The following EBF2 variants were observed in gnomAD, a reference collection of about 807,000 sequenced individuals.
The protein encoded by EBF2 is transcription factor COE2.
In EBF2, 21 loss-of-function variants were observed where a neutral mutation model predicts 72.8. That is an observed-to-expected ratio of 0.29 (90% CI 0.20 to 0.42). The LOEUF is 0.42. EBF2 is among the 10% of genes least tolerant of loss of function. The pLI is 1.00. For missense variants in EBF2, 637 were observed against 731.2 expected, an observed-to-expected ratio of 0.87 and a Z score of 1.49; for synonymous variants, 299 against 274.2, an observed-to-expected ratio of 1.09 and a Z score of -0.89.
intron 8 of EBF2, among the ~76,000 whole-genome samples, chr8:25,888,617 C>G (rs1802730248): frequency 6.6e-6 from 1 of 152,092 alleles, no homozygotes; most frequent in African/African-American, 2.4e-5. Flanking sequence ...TAGTTGAAGG[C>G]TTTTTTCAGC....
chr8:26,002,179 A>G lies in EBF2; in HGVS notation c.551+30906T>C, dbSNP rs559314691. On this transcript the variant is annotated intron_variant, in intron 6 of 15. Transcript: ENST00000520164. ...GGTGCCAGCCCAGGGCCAGGATCCCACTTCTGGGGCTGAGCTTGTGGTCAT... is the reference window on the plus strand; with the variant it reads ...GGTGCCAGCCCAGGGCCAGGATCCCGCTTCTGGGGCTGAGCTTGTGGTCAT... 3.6e-4 allele frequency among the ~76,000 whole-genome samples: 55 copies of G among 152,248 alleles called. 1 individual carries two copies. Among genetic ancestry groups the G allele is most frequent in the African/African-American group, 1.1e-3 (46 of 41,556 alleles).
intron 6 of EBF2, among the ~76,000 whole-genome samples, chr8:26,010,356 C>A (rs1804957842): frequency 6.6e-6 from 1 of 152,240 alleles, no homozygotes. Flanking sequence ...AGGGGCCCAT[C>A]AGGGCGAACC....
intron 6 of EBF2, among the ~76,000 whole-genome samples, chr8:25,962,839 T>G (rs746470193): frequency 6.6e-6 from 1 of 152,212 alleles, no homozygotes; most frequent in Non-Finnish European, 1.5e-5. Flanking sequence ...ATGTCATTAG[T>G]CAGAATCAAT....
chr8:26,004,264 G>T (rs1004449517), intron 6 of EBF2, among the ~76,000 whole-genome samples: 2 of 152,084 alleles, frequency 1.3e-5, no homozygotes, highest in African/African-American at 4.8e-5. Flanking sequence ...CTCTAAACTG[G>T]CTAAATTTTG....
chr8:25,872,667 T>C (rs1326758242), intron 10 of EBF2, among the ~76,000 whole-genome samples: 1 of 144,434 alleles, frequency 6.9e-6, no homozygotes, highest in Non-Finnish European at 1.5e-5. Context: ...TTTCTTTGCA[T>C]TGTAAGAAAG....
At chr8:25,960,313 C>G (rs1353398418) in intron 6 of EBF2, among the ~76,000 whole-genome samples, 1 of 152,192 alleles carries the variant, frequency 6.6e-6, no homozygotes, top group Non-Finnish European at 1.5e-5. Flanking sequence ...CAATTATGCC[C>G]TCAGGGCCAG....
intron 6 of EBF2, among the ~76,000 whole-genome samples, chr8:26,012,951 A>G (rs1805050535): frequency 6.6e-6 from 1 of 152,176 alleles, no homozygotes; most frequent in East Asian, 1.9e-4. Flanking sequence ...ACAAAGATAA[A>G]AATCCCTGCC....
chr8:25,905,175 A>AT (rs1803014452), intron 7 of EBF2, among the ~76,000 whole-genome samples: 1 of 152,172 alleles, frequency 6.6e-6, no homozygotes, highest in African/African-American at 2.4e-5. Context: ...GATGACTAGA[A>AT]TTTTTTTAAA....
At chr8:26,009,208 A>T (rs1804938123) in intron 6 of EBF2, among the ~76,000 whole-genome samples, 2 of 151,534 alleles carry the variant, frequency 1.3e-5, no homozygotes, top group African/African-American at 4.9e-5. Context: ...TTTTCCTTGA[A>T]TTACTTCACA....
intron 1 of EBF2, 114 bp from the exon 2 acceptor site, chr8:26,042,365 G>A: frequency 7.7e-7 from 1 of 1,306,400 alleles, no homozygotes; most frequent in Non-Finnish European, 1.0e-6. Flanking sequence ...CAGGTCCAGA[G>A]TTCTGAACCC....
intron 6 of EBF2, among the ~76,000 whole-genome samples, chr8:25,966,133 G>C (rs1254305722): frequency 6.6e-6 from 1 of 152,238 alleles, no homozygotes; most frequent in Non-Finnish European, 1.5e-5. Context: ...TTCTCAAAGG[G>C]CAAGAGGGCT....
At chr8:26,005,545 T>TAAAATATA (rs1344179104) in intron 6 of EBF2, among the ~76,000 whole-genome samples, 31 of 22,346 alleles carry the variant, frequency 1.4e-3, no homozygotes, top group Non-Finnish European at 2.0e-3. Flanking sequence ...ATATATTTTA[T>TAAAATATA]ATATATATAT....
At chr8:25,908,338 C>T in intron 7 of EBF2, 136 bp downstream of exon 7, 1 of 668,240 alleles carries the variant, frequency 1.5e-6, no homozygotes, top group Non-Finnish European at 2.5e-6. Flanking sequence ...TGAGGGTCAT[C>T]GTTTACCATT....
At chr8:25,905,497 CA>C (rs142050636) in intron 7 of EBF2, among the ~76,000 whole-genome samples, 4,053 of 152,174 alleles carry the variant, frequency 0.027, 184 homozygotes, top group African/African-American at 0.09. Flanking sequence ...ATGGAATAGT[CA>C]AGCTGTAAAA....
intron 6 of EBF2, among the ~76,000 whole-genome samples, chr8:25,966,079 G>C (rs146301208): frequency 2.0e-3 from 309 of 152,326 alleles, no homozygotes; most frequent in African/African-American, 7.1e-3. Flanking sequence ...CAGCCATCCA[G>C]CCAGAGGTAT....
Position 26,044,605 on chromosome 8 carries a change from G to A in EBF2, c.131+124C>T, listed in dbSNP as rs1805669726. On this transcript the variant is annotated intron_variant, in intron 1 of 15. Transcript: ENST00000520164. The surrounding 1 kb of genome is among the most constrained non-coding windows in gnomAD (Gnocchi z 4.1). ...CCCGAGGGCGAGCCCCAGCGCGCAG[G>A]GCCTGGGCGACAGATGGGGGGACAG... The A allele has an allele frequency of 7.8e-6, 11 of 1,412,768 alleles. No homozygotes were observed. The highest frequency in any genetic ancestry group is 1.1e-5 in the Non-Finnish European group (11 of 1,042,342). The allele number at this position is 1,412,768 out of a possible 1,614,324, so 87.5% of individuals were successfully genotyped here.
At position 25,862,675 on chromosome 8, in the gene EBF2, A is replaced by G. The variant is rs772458682; in HGVS notation, c.1098+34T>C. 5.9e-6 allele frequency: 9 copies of G among 1,519,094 alleles called. No homozygotes were observed. The South Asian group carries it at 1.1e-4, about 19-fold the overall frequency. 94.1% of individuals were successfully genotyped at this position (1,519,094 alleles called of 1,614,324 possible). ...CTAAGTTTCCTGAAATTCTACACAA[A>G]TGGCTTCACATGTCAATTTCCAAAG... On this transcript the variant is annotated intron_variant, in intron 11 of 15. Coordinates refer to ENST00000520164, the MANE Select transcript of EBF2 (RefSeq NM_022659.4).
intron 6 of EBF2, among the ~76,000 whole-genome samples, chr8:26,005,269 A>ATTATATAT (rs1491172207): frequency 1.4e-3 from 4 of 2,906 alleles, no homozygotes; most frequent in African/African-American, 5.2e-3. Context: ...ATAATATATA[A>ATTATATAT]TATATATAAT....
intron 6 of EBF2, among the ~76,000 whole-genome samples, chr8:26,025,689 C>A (rs1347655651): frequency 6.6e-6 from 1 of 152,136 alleles, no homozygotes; most frequent in South Asian, 2.1e-4. Context: ...CATAGGGACA[C>A]TTTTTCCCAG....
Sources: gnomAD v4.1 joint callset for allele counts (sites outside exome capture counted in the v4.1 genomes callset) on GRCh38, gnomAD v4.1.1 for gene constraint, Gnocchi (gnomAD v3.1) non-coding constraint, MANE v1.5 for transcripts, NCBI Gene and HGNC (gene_info 2026-07-23, HGNC 2026-07-21) for gene names.